The following RANBP17 variants were observed in gnomAD, a reference collection of about 807,000 sequenced individuals.
RANBP17 encodes RAN binding protein 17.
A neutral mutation model predicts 141.2 loss-of-function variants in RANBP17; 158 were observed. That is an observed-to-expected ratio of 1.12 (90% CI 0.98 to 1.28). The LOEUF is 1.28. Among genes scored for constraint, RANBP17 ranks in the 50% most tolerant of loss-of-function variants. The probability of loss-of-function intolerance (pLI) is 0.00; values close to 1 mark genes in which losing one functional copy is unlikely to be tolerated. For missense variants in RANBP17, 1,438 were observed against 1,290.7 expected, an observed-to-expected ratio of 1.11 and a Z score of -1.75; for synonymous variants, 430 against 450.0, an observed-to-expected ratio of 0.96 and a Z score of 0.56.
intron 1 of RANBP17, among the ~76,000 whole-genome samples, chr5:170,864,943 TTA>T (rs1767115218): frequency 6.6e-6 from 1 of 152,170 alleles, no homozygotes; most frequent in African/African-American, 2.4e-5. Flanking sequence ...GAGAGATTAT[TTA>T]TGATTTATTG....
chr5:171,104,218 G>A (rs1787385690), intron 14 of RANBP17, among the ~76,000 whole-genome samples: 1 of 152,056 alleles, frequency 6.6e-6, no homozygotes, highest in African/African-American at 2.4e-5. Flanking sequence ...TGTATTTTCA[G>A]TAGAGACAGG....
In RANBP17 at chr5:171,171,234, T is replaced by G; in HGVS notation, c.1813T>G (p.Tyr605Asp). Residue 605 changes from tyrosine (Y) to aspartate (D), a missense_variant, in exon 16 of 28, where the codon TAT becomes GAT. Tyr to Asp is a radical substitution (Grantham distance 160, BLOSUM62 -3). Transcript: ENST00000523189. ...TACAAACCTTAAATACTGGGGAAGA[T>G]ATGAGCCTGTAATTTCAAGGACTCT... ...IVTNLKYWGR[Y>D]EPVISRTLQF... The G allele has an allele frequency of 6.3e-7, 1 of 1,597,246 alleles. No individual in the cohort carries two copies. The highest frequency in any genetic ancestry group is 8.6e-7 in the Non-Finnish European group (1 of 1,168,866).
intron 18 of RANBP17, among the ~76,000 whole-genome samples, chr5:171,186,225 C>T (rs534264912): frequency 2.6e-5 from 4 of 152,306 alleles, no homozygotes; most frequent in South Asian, 2.1e-4. Flanking sequence ...ATGGCATCTT[C>T]TTCCAATGAA....
intron 14 of RANBP17, among the ~76,000 whole-genome samples, chr5:171,105,314 G>A (rs1405241000): frequency 6.9e-5 from 10 of 144,764 alleles, no homozygotes; most frequent in East Asian, 4.0e-4. Context: ...CCCGGGAGGC[G>A]GAGCTTGCAG....
intron 14 of RANBP17, among the ~76,000 whole-genome samples, chr5:171,137,618 G>A (rs954078080): frequency 6.7e-6 from 1 of 148,748 alleles, no homozygotes; most frequent in Admixed American, 6.7e-5. Context: ...GTGTGTGTGT[G>A]TGTGTGTCTG....
intron 14 of RANBP17, among the ~76,000 whole-genome samples, chr5:171,082,556 A>G (rs957116484): frequency 6.6e-6 from 1 of 152,098 alleles, no homozygotes; most frequent in African/African-American, 2.4e-5. Context: ...CAGTACCTCT[A>G]AAAAGAGAAT....
intron 14 of RANBP17, among the ~76,000 whole-genome samples, chr5:171,099,168 G>C (rs1456452379): frequency 6.6e-6 from 1 of 152,176 alleles, no homozygotes; most frequent in East Asian, 1.9e-4. Flanking sequence ...ATGGTAGTTT[G>C]ATGGGAATAA....
chr5:171,069,720 G>T (rs1784523136), intron 14 of RANBP17, among the ~76,000 whole-genome samples: 1 of 152,114 alleles, frequency 6.6e-6, no homozygotes, highest in South Asian at 2.1e-4. Flanking sequence ...CACATTTAAG[G>T]TAGGCTAGGC....
intron 2 of RANBP17, among the ~76,000 whole-genome samples, 183 bp from the exon 3 acceptor site, chr5:170,881,623 A>G (rs1229037697): frequency 6.6e-6 from 1 of 152,190 alleles, no homozygotes; most frequent in Non-Finnish European, 1.5e-5. Flanking sequence ...AAGAGATTGT[A>G]TGCCTGTGTA....
At chr5:170,876,216 G>A (rs779717416) in intron 1 of RANBP17, among the ~76,000 whole-genome samples, 3 of 151,790 alleles carry the variant, frequency 2.0e-5, no homozygotes, top group Non-Finnish European at 4.4e-5. Context: ...GTGGGCCAAT[G>A]TACCACCTTG....
intron 16 of RANBP17, among the ~76,000 whole-genome samples, chr5:171,174,977 T>C (rs1760349260): frequency 6.6e-6 from 1 of 151,986 alleles, no homozygotes; most frequent in South Asian, 2.1e-4. Flanking sequence ...CAGGCCCTGG[T>C]GTGTGATATT....
At chr5:171,141,519 A>T (rs1300714657) in intron 14 of RANBP17, among the ~76,000 whole-genome samples, 1 of 145,130 alleles carries the variant, frequency 6.9e-6, no homozygotes, top group East Asian at 2.1e-4. Context: ...AGGGAGGAGA[A>T]TGGCGTGAAC....
At chr5:171,137,584 G>T (rs1324124306) in intron 14 of RANBP17, among the ~76,000 whole-genome samples, 1 of 144,100 alleles carries the variant, frequency 6.9e-6, no homozygotes, top group Non-Finnish European at 1.5e-5. Flanking sequence ...GTGTGTGTGT[G>T]TGTGTGTGTG....
chr5:171,178,439 G>T (rs1760656629), intron 16 of RANBP17, among the ~76,000 whole-genome samples: 1 of 152,026 alleles, frequency 6.6e-6, no homozygotes, highest in Non-Finnish European at 1.5e-5. Flanking sequence ...ATTTGGGTTG[G>T]TTCCAAGTCT....
chr5:171,238,423 T>G (rs1581094278), intron 22 of RANBP17, among the ~76,000 whole-genome samples: 3 of 152,114 alleles, frequency 2.0e-5, no homozygotes, highest in African/African-American at 7.2e-5. Context: ...CCTTTACAGA[T>G]TTTTTTTCCC....
intron 14 of RANBP17, among the ~76,000 whole-genome samples, chr5:171,016,820 C>T (rs1042543475): frequency 1.3e-5 from 2 of 151,868 alleles, no homozygotes; most frequent in South Asian, 2.1e-4. Context: ...ACGTGCAGAA[C>T]GTGCAGTTTT....
intron 14 of RANBP17, among the ~76,000 whole-genome samples, chr5:171,149,781 T>C (rs1192523410): frequency 2.6e-5 from 4 of 152,250 alleles, no homozygotes; most frequent in African/African-American, 9.6e-5. Context: ...GAACGTGTCT[T>C]ACTTGTGAAG....
At chr5:171,069,495 T>C (rs779656) in intron 14 of RANBP17, among the ~76,000 whole-genome samples, 97,085 of 152,074 alleles carry the variant, frequency 0.64, 31,726 homozygotes, top group South Asian at 0.88. Flanking sequence ...ATTACTAGAG[T>C]TTCTTACCCT....
At chr5:171,060,771 C>T (rs796308664) in intron 14 of RANBP17, among the ~76,000 whole-genome samples, 66 of 151,798 alleles carry the variant, frequency 4.3e-4, no homozygotes, top group African/African-American at 6.8e-4. Context: ...TGGTAGAATT[C>T]GGCTGTGAAT....
Sources: gnomAD v4.1 joint callset for allele counts (sites outside exome capture counted in the v4.1 genomes callset) on GRCh38, gnomAD v4.1.1 for gene constraint, MANE v1.5 for transcripts, NCBI Gene and HGNC (gene_info 2026-07-23, HGNC 2026-07-21) for gene names.